MAGI3: variants seen among roughly 807,000 people sequenced by gnomAD.
MAGI3 encodes the protein membrane associated guanylate kinase, WW and PDZ domain containing 3.
In MAGI3, 43 loss-of-function variants were observed where a neutral mutation model predicts 121.8. That is an observed-to-expected ratio of 0.35 (90% CI 0.28 to 0.46). The LOEUF is 0.46. Among genes scored for constraint, MAGI3 ranks in the 20% least tolerant of loss-of-function variants. The probability of loss-of-function intolerance (pLI) is 1.00; values close to 1 mark genes in which losing one functional copy is unlikely to be tolerated. For missense variants in MAGI3, 1,547 were observed against 1,797.3 expected (o/e 0.86, Z 2.52); for synonymous variants, 553 against 639.3 (o/e 0.86, Z 2.04).
At chr1:113,434,042 C>T (rs912543614) in intron 1 of MAGI3, among the ~76,000 whole-genome samples, 1 of 152,146 alleles carries the variant, frequency 6.6e-6, no homozygotes, top group African/African-American at 2.4e-5. Context: ...AATTAATTGC[C>T]TCTCAGCTCC....
intron 3 of MAGI3, among the ~76,000 whole-genome samples, chr1:113,584,540 C>A (rs755277598): frequency 2.6e-5 from 4 of 152,104 alleles, no homozygotes; most frequent in Admixed American, 2.6e-4. Flanking sequence ...TTAAAAATTA[C>A]CCTTACATAA....
chr1:113,507,403 T>G (rs1334793922), intron 1 of MAGI3, among the ~76,000 whole-genome samples: 2 of 152,214 alleles, frequency 1.3e-5, no homozygotes, highest in Non-Finnish European at 2.9e-5. Flanking sequence ...TTTTTCTGTT[T>G]TACATGGTAT....
At chr1:113,650,152 G>A (rs1653075394) in intron 13 of MAGI3, among the ~76,000 whole-genome samples, 1 of 151,994 alleles carries the variant, frequency 6.6e-6, no homozygotes, top group South Asian at 2.1e-4. Flanking sequence ...TTTGATTTAT[G>A]TAGTATAAAT....
chr1:113,568,501 A>G (rs542627728), intron 2 of MAGI3, among the ~76,000 whole-genome samples: 2 of 152,198 alleles, frequency 1.3e-5, no homozygotes, highest in African/African-American at 4.8e-5. Flanking sequence ...TAGAATGTAT[A>G]TGGACAGGCT....
At chr1:113,437,016 G>A (rs1011030074) in intron 1 of MAGI3, among the ~76,000 whole-genome samples, 2 of 151,674 alleles carry the variant, frequency 1.3e-5, no homozygotes, top group Non-Finnish European at 2.9e-5. Context: ...GGGTTTCACC[G>A]TGTTAGCCAG....
intron 1 of MAGI3, among the ~76,000 whole-genome samples, chr1:113,544,543 G>C (rs1659442985): frequency 6.6e-6 from 1 of 152,186 alleles, no homozygotes; most frequent in Non-Finnish European, 1.5e-5. Context: ...AAAATGCCCT[G>C]AACAGCTCAG....
intron 1 of MAGI3, among the ~76,000 whole-genome samples, chr1:113,535,319 A>G (rs1484024105): frequency 6.6e-6 from 1 of 152,038 alleles, no homozygotes; most frequent in Non-Finnish European, 1.5e-5. Flanking sequence ...ACCTCTCAAT[A>G]GAAAGTTATG....
chr1:113,493,335 A>T (rs1174160160), intron 1 of MAGI3, among the ~76,000 whole-genome samples: 1 of 152,220 alleles, frequency 6.6e-6, no homozygotes, highest in Non-Finnish European at 1.5e-5. Flanking sequence ...CTGACTAGAG[A>T]TATGCGGAAA....
intron 1 of MAGI3, among the ~76,000 whole-genome samples, chr1:113,454,380 C>T (rs1570699269): frequency 1.3e-5 from 2 of 152,118 alleles, no homozygotes; most frequent in South Asian, 2.1e-4. Flanking sequence ...ATGACCTGTC[C>T]GTACATTTTA....
rs1652497819 is a variant in MAGI3 at position 113,417,221 on chromosome 1, A to G, written c.316+25872A>G. Reference sequence around the variant, plus strand: ...AATCACTATCCCAATCAAAATACAGATTTCAAAAATCCCCCATAAAATTCC... The same window carrying G: ...AATCACTATCCCAATCAAAATACAGGTTTCAAAAATCCCCCATAAAATTCC... On this transcript the variant is annotated intron_variant, in intron 1 of 20. Coordinates refer to ENST00000307546, the MANE Select transcript of MAGI3 (RefSeq NM_001142782.2). Among the ~76,000 whole-genome samples the G allele has an allele frequency of 2.0e-5, 3 of 152,108 alleles. No individual in the cohort carries two copies. The South Asian group carries it at 6.2e-4, about 32-fold the overall frequency.
At chr1:113,526,755 C>T (rs147450338) in intron 1 of MAGI3, among the ~76,000 whole-genome samples, 4 of 152,064 alleles carry the variant, frequency 2.6e-5, no homozygotes, top group African/African-American at 9.6e-5. Context: ...TGTTGGTGAC[C>T]CGGATTAAGG....
intron 2 of MAGI3, among the ~76,000 whole-genome samples, chr1:113,565,895 C>T (rs751348496): frequency 6.6e-6 from 1 of 152,194 alleles, no homozygotes; most frequent in Non-Finnish European, 1.5e-5. Flanking sequence ...CAACCTTAAC[C>T]TTTGATTCTG....
At chr1:113,542,532 T>C (rs997250350) in intron 1 of MAGI3, among the ~76,000 whole-genome samples, 3 of 152,228 alleles carry the variant, frequency 2.0e-5, no homozygotes, top group African/African-American at 7.2e-5. Flanking sequence ...ACGTTTGAAA[T>C]TTCTTCTTCA....
intron 1 of MAGI3, among the ~76,000 whole-genome samples, chr1:113,488,503 C>A (rs1656510492): frequency 6.6e-6 from 1 of 152,200 alleles, no homozygotes; most frequent in Non-Finnish European, 1.5e-5. Context: ...AGCTTCTGTA[C>A]TGGTAGACCA....
chr1:113,485,575 A>G (rs1656344192), intron 1 of MAGI3, among the ~76,000 whole-genome samples: 2 of 152,074 alleles, frequency 1.3e-5, no homozygotes, highest in South Asian at 4.1e-4. Context: ...CCTTTACCAG[A>G]TGTATAGACT....
intron 12 of MAGI3, among the ~76,000 whole-genome samples, chr1:113,649,006 G>A (rs1653004084): frequency 6.6e-6 from 1 of 152,174 alleles, no homozygotes; most frequent in Non-Finnish European, 1.5e-5. Flanking sequence ...ATGGAAGTGA[G>A]AGTAAATGTT....
At chr1:113,515,658 C>T (rs4838988) in intron 1 of MAGI3, among the ~76,000 whole-genome samples, 23,305 of 152,010 alleles carry the variant, frequency 0.15, 2,787 homozygotes, top group East Asian at 0.63. Context: ...CTGGTAAATA[C>T]ATGACAGAGG....
At chr1:113,554,812 A>G (rs1156795386) in intron 2 of MAGI3, among the ~76,000 whole-genome samples, 1 of 152,052 alleles carries the variant, frequency 6.6e-6, no homozygotes, top group African/African-American at 2.4e-5. Context: ...TCATAATTAG[A>G]TTATAAAAAA....
At chr1:113,562,171 C>T (rs1052520035) in intron 2 of MAGI3, among the ~76,000 whole-genome samples, 3 of 152,100 alleles carry the variant, frequency 2.0e-5, no homozygotes, top group African/African-American at 4.8e-5. Context: ...TTTGGGAGGC[C>T]AAGGCGGGCA....
Sources: gnomAD v4.1 joint callset for allele counts (sites outside exome capture counted in the v4.1 genomes callset) on GRCh38, gnomAD v4.1.1 for gene constraint, MANE v1.5 for transcripts, NCBI Gene and HGNC (gene_info 2026-07-23, HGNC 2026-07-21) for gene names.